GRAMD1B: variants seen among roughly 807,000 people sequenced by gnomAD.
GRAMD1B encodes the protein protein Aster-B.
In GRAMD1B, 37 loss-of-function variants were observed where a neutral mutation model predicts 99.7. The ratio of observed to expected loss-of-function variants is 0.37; its 90% CI spans 0.29 to 0.49. The LOEUF (loss-of-function observed/expected upper bound fraction) is 0.49, where lower values mean the gene tolerates loss of function less well. Among genes scored for constraint, GRAMD1B ranks in the 20% least tolerant of loss-of-function variants. The probability of loss-of-function intolerance (pLI) is 0.98; values close to 1 mark genes in which losing one functional copy is unlikely to be tolerated. For synonymous variants in GRAMD1B, 427 were observed against 387.6 expected (o/e 1.10, Z -1.19); for missense variants, 888 against 1,009.2 (o/e 0.88, Z 1.63).
chr11:123,416,000 T>C (rs577616050), intron 1 of GRAMD1B, among the ~76,000 whole-genome samples: 1 of 152,338 alleles, frequency 6.6e-6, no homozygotes, highest in Admixed American at 6.5e-5. Flanking sequence ...ATCAGGCTCT[T>C]GTAGGTTTTA....
upstream of GRAMD1B, among the ~76,000 whole-genome samples, chr11:123,425,598 TTGGAAA>T (rs1206778633): frequency 6.6e-6 from 1 of 152,170 alleles, no homozygotes; most frequent in Admixed American, 6.5e-5. Flanking sequence ...GTGAGGGCTG[TTGGAAA>T]CAAAGAGCTG....
chr11:123,567,913 T>A (rs1244666258), intron 2 of GRAMD1B, among the ~76,000 whole-genome samples: 1 of 152,236 alleles, frequency 6.6e-6, no homozygotes, highest in Non-Finnish European at 1.5e-5. Context: ...AACTTTGCCC[T>A]TATGTTAATT....
intron 2 of GRAMD1B, among the ~76,000 whole-genome samples, chr11:123,524,298 G>T (rs193248434): frequency 6.4e-4 from 68 of 106,342 alleles, no homozygotes; most frequent in Non-Finnish European, 1.3e-3. Context: ...TACCAACGAG[G>T]GTCTGCACTC....
rs532091098 is a variant in GRAMD1B, at chr11:123,557,977, CTTTTTTTTTTT to C, written c.453-19376_453-19366del. 2.3e-4 allele frequency among the ~76,000 whole-genome samples: 23 copies of C among 99,932 alleles called. No individual in the cohort carries two copies. In the East Asian group the frequency reaches 5.1e-3, roughly 22 times the overall value. 65.6% of individuals were successfully genotyped at this position (99,932 alleles called of 152,430 possible). A position where few individuals can be genotyped will look rare whatever the true frequency, so the allele number is the denominator to read the frequency against. On this transcript the variant is annotated intron_variant, in intron 2 of 19. Coordinates refer to ENST00000635736, the MANE Select transcript of GRAMD1B (RefSeq NM_001387025.1). The stretch of plus-strand genomic sequence containing the variant: ...ATGGAGGAAAGGACATTCAGTGCAA[CTTTTTTTTTTT>C]TTTTTTTTTTTTTAATGCAGAGTCT...
intron 2 of GRAMD1B, among the ~76,000 whole-genome samples, chr11:123,506,635 A>G (rs1013320367): frequency 5.3e-5 from 8 of 152,192 alleles, no homozygotes; most frequent in Non-Finnish European, 1.2e-4. Flanking sequence ...AAATACATAC[A>G]ATAGAGAAAC....
chr11:123,399,030 C>T (rs1003556975), intron 1 of GRAMD1B, among the ~76,000 whole-genome samples: 1 of 152,154 alleles, frequency 6.6e-6, no homozygotes, highest in South Asian at 2.1e-4. Context: ...CAGGAGATGT[C>T]TAGGACTTAC....
At chr11:123,391,977 GT>G (rs953951115) in intron 1 of GRAMD1B, among the ~76,000 whole-genome samples, 2 of 152,206 alleles carry the variant, frequency 1.3e-5, no homozygotes, top group African/African-American at 4.8e-5. Context: ...GGGTAGAGAG[GT>G]TATTACTTTA....
intron 2 of GRAMD1B, among the ~76,000 whole-genome samples, chr11:123,490,575 T>G (rs1258019857): frequency 1.3e-5 from 2 of 152,192 alleles, no homozygotes; most frequent in Non-Finnish European, 2.9e-5. Flanking sequence ...TGTTCATGTC[T>G]TGGAATGTGG....
chr11:123,451,290 A>G (rs1156794725), intron 1 of GRAMD1B, among the ~76,000 whole-genome samples: 1 of 152,202 alleles, frequency 6.6e-6, no homozygotes, highest in Non-Finnish European at 1.5e-5. Context: ...ATGACAATCT[A>G]TTACCTCATT....
At chr11:123,595,486 G>A (rs748417766) in intron 6 of GRAMD1B, among the ~76,000 whole-genome samples, 10 of 152,018 alleles carry the variant, frequency 6.6e-5, no homozygotes, top group Non-Finnish European at 1.0e-4. Context: ...TAGAGACGGG[G>A]TTTCTCCATG....
At chr11:123,435,808 T>C (rs759444436) in intron 1 of GRAMD1B, 14 of 211,856 alleles carry the variant, frequency 6.6e-5, no homozygotes, top group African/African-American at 1.1e-4. Flanking sequence ...TATTGAGATA[T>C]AATTTATATA....
chr11:123,379,314 G>A (rs754523820), intron 1 of GRAMD1B, among the ~76,000 whole-genome samples: 30 of 152,128 alleles, frequency 2.0e-4, no homozygotes, highest in East Asian at 7.7e-4. Flanking sequence ...GAATGCTTTC[G>A]TTGACGGATG....
chr11:123,404,727 AAGCATTACTC>A (rs1947793594), intron 1 of GRAMD1B, among the ~76,000 whole-genome samples: 1 of 152,238 alleles, frequency 6.6e-6, no homozygotes, highest in African/African-American at 2.4e-5. Flanking sequence ...TAAAAATTCA[AAGCATTACTC>A]AACTTCGTCT....
chr11:123,489,257 G>A (rs1418300459), intron 2 of GRAMD1B, among the ~76,000 whole-genome samples: 1 of 152,188 alleles, frequency 6.6e-6, no homozygotes, highest in African/African-American at 2.4e-5. Flanking sequence ...AGAGGTGGCA[G>A]TGAGTTTAAT....
chr11:123,452,966 G>A (rs1207104100), intron 1 of GRAMD1B, among the ~76,000 whole-genome samples: 1 of 152,184 alleles, frequency 6.6e-6, no homozygotes, highest in Non-Finnish European at 1.5e-5. Flanking sequence ...TCAATATTTA[G>A]ATAATTTTGT....
chr11:123,497,231 A>C lies in GRAMD1B; in HGVS notation c.452+16338A>C, dbSNP rs1939385821. 2.6e-5 allele frequency among the ~76,000 whole-genome samples: 4 copies of C among 152,232 alleles called. No individual in the cohort carries two copies. In the South Asian group the frequency reaches 8.3e-4, roughly 32 times the overall value. The stretch of plus-strand genomic sequence containing the variant: ...AGAAGAATTCTCTTGATTGCCATGC[A>C]GAGACTCTTGTTCTCTTCCCTTACT... On this transcript the variant is annotated intron_variant, in intron 2 of 19. Coordinates refer to ENST00000635736, the MANE Select transcript of GRAMD1B (RefSeq NM_001387025.1).
intron 2 of GRAMD1B, chr11:123,526,138 T>TG (rs779870785): frequency 6.2e-7 from 1 of 1,612,646 alleles, no homozygotes; most frequent in Admixed American, 1.7e-5. Context: ...TGGATTATCG[T>TG]GACTGTACTA....
At chr11:123,497,304 T>C (rs1271562592) in intron 2 of GRAMD1B, among the ~76,000 whole-genome samples, 2 of 152,160 alleles carry the variant, frequency 1.3e-5, no homozygotes, top group Admixed American at 6.6e-5. Context: ...CTCCTGGAAC[T>C]GAGAGTAGGG....
chr11:123,497,466 G>A (rs1369324693), intron 2 of GRAMD1B, among the ~76,000 whole-genome samples: 1 of 152,156 alleles, frequency 6.6e-6, no homozygotes, highest in Admixed American at 6.5e-5. Context: ...ACAATCAGCT[G>A]GTGACAAAGC....
Sources: allele counts gnomAD v4.1 joint callset (sites outside exome capture counted in the v4.1 genomes callset), GRCh38; gene constraint gnomAD v4.1.1; transcripts MANE v1.5; gene names NCBI Gene and HGNC (gene_info 2026-07-23, HGNC 2026-07-21).